CA10: variants seen among roughly 807,000 people sequenced by gnomAD.
CA10 encodes the protein carbonic anhydrase 10 (inactive).
CA10 carries 14 observed loss-of-function variants against 44.2 expected under a neutral mutation model. The observed-to-expected ratio is 0.32, with a 90% CI of 0.21 to 0.50. The LOEUF is 0.50. Ranked by LOEUF, CA10 falls within the 20% of genes least tolerant of loss-of-function variation. The pLI, the probability that CA10 is intolerant of heterozygous loss-of-function variation, is 0.99. For missense variants in CA10, 350 were observed against 409.7 expected (o/e 0.85, Z 1.26); for synonymous variants, 159 against 141.6 (o/e 1.12, Z -0.87).
At chr17:51,919,957 C>T (rs2053226109) in intron 3 of CA10, among the ~76,000 whole-genome samples, 1 of 152,122 alleles carries the variant, frequency 6.6e-6, no homozygotes, top group East Asian at 1.9e-4. Context: ...TGGCCAAATG[C>T]CTGTTAGTTT....
At position 51,630,868 on chromosome 17, in the gene CA10, T is replaced by G. The variant is rs1912539865; in HGVS notation, c.*716A>C. Reference sequence around the variant, plus strand: ...GAAACAGCAAATGGATCATTTCTGATCTTGGCAAATCCTACTACAGATATG... The same window carrying G: ...GAAACAGCAAATGGATCATTTCTGAGCTTGGCAAATCCTACTACAGATATG... On this transcript the variant is annotated 3_prime_UTR_variant, in exon 9 of 9. Transcript: ENST00000451037. 1 of 152,706 alleles carries G rather than the reference T, an allele frequency of 6.5e-6. No homozygotes were observed. Among genetic ancestry groups the G allele is most frequent in the Admixed American group, 6.5e-5 (1 of 15,288 alleles). The allele number at this position is 152,706 out of a possible 1,614,324, so 9.5% of individuals were successfully genotyped here. A position where few individuals can be genotyped will look rare whatever the true frequency, so the allele number is the denominator to read the frequency against.
chr17:51,717,651 A>ATG (rs370947379), intron 4 of CA10, among the ~76,000 whole-genome samples: 42 of 56,884 alleles, frequency 7.4e-4, no homozygotes, highest in Admixed American at 1.3e-3. Context: ...ATATATACAT[A>ATG]TATACGTATA....
At chr17:51,947,230 A>G (rs1055806356) in intron 2 of CA10, among the ~76,000 whole-genome samples, 2 of 149,068 alleles carry the variant, frequency 1.3e-5, no homozygotes, top group African/African-American at 5.0e-5. Context: ...TGTGCAAAAA[A>G]AAAAAAAAAA....
chr17:51,888,458 G>A (rs1344278018), intron 3 of CA10, among the ~76,000 whole-genome samples: 1 of 152,318 alleles, frequency 6.6e-6, no homozygotes, highest in East Asian at 1.9e-4. Flanking sequence ...AGCTGAGAAT[G>A]AAATAATTTG....
chr17:52,037,111 A>G (rs2078589087), intron 2 of CA10, among the ~76,000 whole-genome samples: 1 of 152,166 alleles, frequency 6.6e-6, no homozygotes, highest in African/African-American at 2.4e-5. Flanking sequence ...GATGAGGTCA[A>G]TTTTGGAAAT....
At chr17:51,948,073 G>C (rs1251655433) in intron 2 of CA10, among the ~76,000 whole-genome samples, 5 of 152,136 alleles carry the variant, frequency 3.3e-5, no homozygotes, top group Non-Finnish European at 7.4e-5. Context: ...AGGACTTCAA[G>C]TAAAGGAGGC....
chr17:51,992,377 T>C (rs535666403), intron 2 of CA10, among the ~76,000 whole-genome samples: 1 of 152,276 alleles, frequency 6.6e-6, no homozygotes, highest in East Asian at 1.9e-4. Flanking sequence ...CATATTCATA[T>C]GTCTCCTCCA....
At position 52,134,107 on chromosome 17, in the gene CA10, C is replaced by T. The variant is rs145268405; in HGVS notation, c.61+23619G>A. Among the ~76,000 whole-genome samples, 33 of 152,304 alleles carry T rather than the reference C, an allele frequency of 2.2e-4. No homozygotes were observed. In the East Asian group the frequency reaches 4.0e-3, roughly 19 times the overall value. ...CCCCCAGTGCCATCTTCACTCTATACGTTATTAATCTCATTTCTTCCCTAC... is the reference window on the plus strand; with the variant it reads ...CCCCCAGTGCCATCTTCACTCTATATGTTATTAATCTCATTTCTTCCCTAC... On this transcript the variant is annotated intron_variant, in intron 1 of 8. Coordinates refer to ENST00000451037, the MANE Select transcript of CA10 (RefSeq NM_020178.5).
chr17:52,100,635 T>C (rs1382958832), intron 1 of CA10, among the ~76,000 whole-genome samples: 1 of 152,166 alleles, frequency 6.6e-6, no homozygotes, highest in Non-Finnish European at 1.5e-5. Context: ...TCTTATCCTG[T>C]CTCAGTTCTC....
At chr17:51,916,535 G>T (rs1255776764) in intron 3 of CA10, among the ~76,000 whole-genome samples, 1 of 152,098 alleles carries the variant, frequency 6.6e-6, no homozygotes, top group Admixed American at 6.5e-5. Context: ...ATAAAAGGGA[G>T]TTTCCCTGCA....
chr17:51,783,679 GA>G (rs1906143928), intron 3 of CA10, among the ~76,000 whole-genome samples: 1 of 152,196 alleles, frequency 6.6e-6, no homozygotes, highest in South Asian at 2.1e-4. Flanking sequence ...GAGGTGAGGT[GA>G]AGGTCTGGTT....
At chr17:51,779,341 C>T (rs560405401) in intron 3 of CA10, among the ~76,000 whole-genome samples, 4 of 152,094 alleles carry the variant, frequency 2.6e-5, no homozygotes, top group African/African-American at 9.6e-5. Context: ...TCATTCTTCC[C>T]CCTAGAATGA....
chr17:52,111,712 G>T (rs980451208), intron 1 of CA10, among the ~76,000 whole-genome samples: 1 of 152,134 alleles, frequency 6.6e-6, no homozygotes, highest in Admixed American at 6.5e-5. Flanking sequence ...AAATCACAAG[G>T]TGATTTATAA....
intron 2 of CA10, among the ~76,000 whole-genome samples, chr17:51,938,780 T>C (rs1322883357): frequency 6.6e-6 from 1 of 152,092 alleles, no homozygotes; most frequent in East Asian, 1.9e-4. Context: ...TAACAAGCTC[T>C]GTGCTAGGAA....
At chr17:51,822,272 G>T (rs1317492514) in intron 3 of CA10, among the ~76,000 whole-genome samples, 2 of 152,030 alleles carry the variant, frequency 1.3e-5, no homozygotes, top group Non-Finnish European at 2.9e-5. Flanking sequence ...ACAAAAATTA[G>T]CTGGGTGTGG....
chr17:52,130,163 G>A (rs955803274), intron 1 of CA10, among the ~76,000 whole-genome samples: 3 of 152,172 alleles, frequency 2.0e-5, no homozygotes, highest in Non-Finnish European at 2.9e-5. Context: ...ACAAGTGTTG[G>A]TGAGGATATG....
At chr17:51,859,879 G>T (rs1331145132) in intron 3 of CA10, among the ~76,000 whole-genome samples, 3 of 152,118 alleles carry the variant, frequency 2.0e-5, no homozygotes, top group Admixed American at 6.6e-5. Context: ...GCTGAAGATT[G>T]CCATGATACA....
At chr17:51,936,132 C>A (rs932569573) in intron 2 of CA10, among the ~76,000 whole-genome samples, 1 of 152,124 alleles carries the variant, frequency 6.6e-6, no homozygotes, top group Non-Finnish European at 1.5e-5. Flanking sequence ...CTCTGATGTG[C>A]CAGGCATTAG....
At position 51,666,053 on chromosome 17, in the gene CA10, C is replaced by T. The variant is rs574743632; in HGVS notation, c.466-12317G>A. Among the ~76,000 whole-genome samples the T allele has an allele frequency of 1.1e-4, 17 of 152,342 alleles. No individual in the cohort carries two copies. In the East Asian group the frequency reaches 2.9e-3, roughly 26 times the overall value. ...GTGACTCCTGGTTTCTTCATTTGAT[C>T]GTGCTTAGGTCAAATCAAACCAAAT... On this transcript the variant is annotated intron_variant, in intron 4 of 8. Coordinates refer to ENST00000451037, the MANE Select transcript of CA10 (RefSeq NM_020178.5).
Sources: allele counts gnomAD v4.1 joint callset (sites outside exome capture counted in the v4.1 genomes callset), GRCh38; gene constraint gnomAD v4.1.1; transcripts MANE v1.5; gene names NCBI Gene and HGNC (gene_info 2026-07-23, HGNC 2026-07-21).